Variants in MAP3K20 observed in about 807,000 individuals in gnomAD.
MAP3K20 encodes the protein HCCS-4.
A neutral mutation model predicts 85.7 loss-of-function variants in MAP3K20; 40 were observed. That is an observed-to-expected ratio of 0.47 (90% CI 0.36 to 0.61). The LOEUF is 0.61. Ranked by LOEUF, MAP3K20 falls within the 20% of genes least tolerant of loss-of-function variation. The pLI is 0.00. For synonymous variants in MAP3K20, 325 were observed against 327.7 expected, an observed-to-expected ratio of 0.99 and a Z score of 0.09; for missense variants, 817 against 961.7, an observed-to-expected ratio of 0.85 and a Z score of 1.99.
intron 19 of MAP3K20, 49 bp from the exon 20 acceptor site, chr2:173,266,001 T>C (rs2106360865): frequency 6.6e-7 from 1 of 1,509,372 alleles, no homozygotes; most frequent in Non-Finnish European, 8.9e-7. Flanking sequence ...GAATTAGACA[T>C]GCAGCTTTAG....
At chr2:173,254,844 G>C (rs1242982925) in intron 16 of MAP3K20, among the ~76,000 whole-genome samples, 1 of 152,192 alleles carries the variant, frequency 6.6e-6, no homozygotes, top group Non-Finnish European at 1.5e-5. Context: ...TTGTTAACTA[G>C]GCAACGATGA....
chr2:173,260,178 A>G (rs919133611), intron 17 of MAP3K20, among the ~76,000 whole-genome samples: 4 of 152,212 alleles, frequency 2.6e-5, no homozygotes, highest in African/African-American at 9.6e-5. Flanking sequence ...ACCAGCCTAG[A>G]CAACATGGTG....
rs900306159 is a variant in MAP3K20, at chr2:173,111,290, T to C, written c.159+20100T>C. On this transcript the variant is annotated intron_variant, in intron 2 of 19. Coordinates refer to ENST00000375213, the MANE Select transcript of MAP3K20 (RefSeq NM_016653.3). ...TTTTTATGGGATTGTTTTTTTCTTATTGATGTGAGTTTGTTGTAGATTCTG... is the reference window on the plus strand; with the variant it reads ...TTTTTATGGGATTGTTTTTTTCTTACTGATGTGAGTTTGTTGTAGATTCTG... 9.8e-4 allele frequency among the ~76,000 whole-genome samples: 149 copies of C among 152,248 alleles called. 1 individual carries two copies. Among genetic ancestry groups the C allele is most frequent in the African/African-American group, 3.4e-3 (142 of 41,556 alleles).
At chr2:173,229,653 CT>C (rs748770737) in intron 11 of MAP3K20, 35 bp from the exon 12 acceptor site, 736 of 1,431,812 alleles carry the variant, frequency 5.1e-4, no homozygotes, top group South Asian at 1.1e-3. Flanking sequence ...GATAATATTA[CT>C]TTTTTTTTTC....
At position 173,161,061 on chromosome 2, in the gene MAP3K20, C is replaced by T. The variant is rs562056536; in HGVS notation, c.160-8744C>T. On this transcript the variant is annotated intron_variant, in intron 2 of 19. Coordinates refer to ENST00000375213, the MANE Select transcript of MAP3K20 (RefSeq NM_016653.3). Reference sequence around the variant, plus strand: ...ATAGAGGGTTTAAGGTTAAGTAAGCCTTTCATCCTTGCTTAATCCTAAAAC... The same window carrying T: ...ATAGAGGGTTTAAGGTTAAGTAAGCTTTTCATCCTTGCTTAATCCTAAAAC... Among the ~76,000 whole-genome samples, 41 of 152,284 alleles carry T rather than the reference C, an allele frequency of 2.7e-4. 1 individual carries two copies. In the South Asian group the frequency reaches 8.5e-3, roughly 32 times the overall value.
chr2:173,117,754 T>A (rs1272618909), intron 2 of MAP3K20, among the ~76,000 whole-genome samples: 1 of 152,228 alleles, frequency 6.6e-6, no homozygotes, highest in African/African-American at 2.4e-5. Context: ...CATTTTTGGC[T>A]ACAGAAATTT....
chr2:173,214,772 A>T (rs1431071576), intron 10 of MAP3K20, among the ~76,000 whole-genome samples: 2 of 152,228 alleles, frequency 1.3e-5, no homozygotes, highest in African/African-American at 4.8e-5. Flanking sequence ...TCATCAACTA[A>T]GACATTTAAA....
intron 3 of MAP3K20, among the ~76,000 whole-genome samples, chr2:173,170,323 G>A (rs561738044): frequency 2.1e-3 from 320 of 152,240 alleles, no homozygotes; most frequent in Non-Finnish European, 3.6e-3. Flanking sequence ...TCTGACATAA[G>A]AACAATATTT....
At chr2:173,131,923 A>AT (rs915097376) in intron 2 of MAP3K20, among the ~76,000 whole-genome samples, 1 of 152,116 alleles carries the variant, frequency 6.6e-6, no homozygotes, top group Non-Finnish European at 1.5e-5. Flanking sequence ...TGATTCTTTG[A>AT]TTTTCTAGAG....
At chr2:173,162,243 A>C (rs1689681125) in intron 2 of MAP3K20, among the ~76,000 whole-genome samples, 1 of 152,154 alleles carries the variant, frequency 6.6e-6, no homozygotes, top group South Asian at 2.1e-4. Flanking sequence ...ACCCTGGATC[A>C]TATTGGCATT....
chr2:173,164,809 G>A (rs1689766617), intron 2 of MAP3K20, among the ~76,000 whole-genome samples: 1 of 152,290 alleles, frequency 6.6e-6, no homozygotes, highest in East Asian at 1.9e-4. Context: ...TTTGGAACCT[G>A]TGTGTTAGTC....
At chr2:173,242,951 C>G (rs535415927) in intron 16 of MAP3K20, among the ~76,000 whole-genome samples, 5 of 152,150 alleles carry the variant, frequency 3.3e-5, no homozygotes, top group Non-Finnish European at 5.9e-5. Flanking sequence ...GTGATCCACC[C>G]GGCTCGACCT....
At chr2:173,100,231 A>T (rs1329912821) in intron 2 of MAP3K20, among the ~76,000 whole-genome samples, 1 of 152,212 alleles carries the variant, frequency 6.6e-6, no homozygotes, top group Non-Finnish European at 1.5e-5. Context: ...TCACTCTACC[A>T]AGTACTGCTA....
rs1689986959 is a variant in MAP3K20 at position 173,171,110 on chromosome 2, G to T, written c.247+1218G>T. Among the ~76,000 whole-genome samples the T allele has an allele frequency of 2.6e-5, 4 of 152,254 alleles. No homozygotes were observed. The South Asian group carries it at 8.3e-4, about 32-fold the overall frequency. On this transcript the variant is annotated intron_variant, in intron 3 of 19. Coordinates refer to ENST00000375213, the MANE Select transcript of MAP3K20 (RefSeq NM_016653.3). ...GGGCATGTAGCAACTTTTATCTTGA[G>T]TCTATATTTCTTATAAATGTGAATA...
chr2:173,221,516 G>T (rs773091015), intron 11 of MAP3K20: 1 of 1,560,252 alleles, frequency 6.4e-7, no homozygotes, highest in African/African-American at 1.4e-5. Flanking sequence ...TAATGACATG[G>T]ATAATAGTGA....
chr2:173,190,325 T>C (rs1559270292), intron 5 of MAP3K20, among the ~76,000 whole-genome samples: 1 of 152,222 alleles, frequency 6.6e-6, no homozygotes, highest in African/African-American at 2.4e-5. Context: ...TAGATGTTTA[T>C]TTAATTGTCT....
chr2:173,082,643 TC>T (rs1380070381), intron 1 of MAP3K20, among the ~76,000 whole-genome samples: 2 of 152,210 alleles, frequency 1.3e-5, no homozygotes, highest in Non-Finnish European at 2.9e-5. Context: ...TTTCTCCTCA[TC>T]CCCAGTCCTG....
At chr2:173,188,794 T>C (rs1308824457) in intron 5 of MAP3K20, among the ~76,000 whole-genome samples, 1 of 152,184 alleles carries the variant, frequency 6.6e-6, no homozygotes, top group African/African-American at 2.4e-5. Flanking sequence ...ACTTTTGATA[T>C]ATGGTCAGCT....
At chr2:173,227,247 G>A (rs1218294112) in intron 11 of MAP3K20, 2 of 586,692 alleles carry the variant, frequency 3.4e-6, no homozygotes, top group African/African-American at 4.0e-5. Context: ...ACAAGTGTTA[G>A]CTTTTCTCTC....
Sources: allele counts gnomAD v4.1 joint callset (sites outside exome capture counted in the v4.1 genomes callset), GRCh38; gene constraint gnomAD v4.1.1; transcripts MANE v1.5; gene names NCBI Gene and HGNC (gene_info 2026-07-23, HGNC 2026-07-21).